MON2: variants seen among roughly 807,000 people sequenced by gnomAD.
MON2 encodes protein MON2 homolog.
Under a neutral mutation model 208.6 loss-of-function variants are expected in MON2, and 84 were observed. The observed-to-expected ratio is 0.40, with a 90% CI of 0.34 to 0.48. MON2 has a LOEUF of 0.48. Ranked by LOEUF, MON2 falls within the 20% of genes least tolerant of loss-of-function variation. The pLI, the probability that MON2 is intolerant of heterozygous loss-of-function variation, is 0.59. For missense variants in MON2, 1,611 were observed against 2,015.4 expected (o/e 0.80, Z 3.84); for synonymous variants, 660 against 694.0 (o/e 0.95, Z 0.77).
chr12:62,582,237 T>C (rs1397594896), intron 32 of MON2, among the ~76,000 whole-genome samples: 1 of 152,256 alleles, frequency 6.6e-6, no homozygotes, highest in Non-Finnish European at 1.5e-5. Flanking sequence ...AAGTATACTT[T>C]TACTGGCAGT....
chr12:62,471,895 T>A (rs1382543814), intron 1 of MON2, among the ~76,000 whole-genome samples: 1 of 152,224 alleles, frequency 6.6e-6, no homozygotes, highest in African/African-American at 2.4e-5. Context: ...CGGGTTTGAA[T>A]GTGACAAATT....
intron 24 of MON2, among the ~76,000 whole-genome samples, chr12:62,554,623 T>C (rs1472579766): frequency 6.6e-6 from 1 of 152,096 alleles, no homozygotes; most frequent in East Asian, 1.9e-4. Context: ...GCCTCTTGAG[T>C]AGCTAGGACT....
chr12:62,574,949 C>T (rs1565702801), intron 30 of MON2, among the ~76,000 whole-genome samples: 1 of 142,658 alleles, frequency 7.0e-6, no homozygotes. Flanking sequence ...CATAGTGAGA[C>T]TCCGCCTCTA....
intron 32 of MON2, among the ~76,000 whole-genome samples, chr12:62,581,657 G>A (rs1310279925): frequency 1.3e-5 from 2 of 152,064 alleles, no homozygotes; most frequent in African/African-American, 2.4e-5. Flanking sequence ...CCAACACGGT[G>A]AAACCCTGTC....
intron 1 of MON2, among the ~76,000 whole-genome samples, chr12:62,475,682 C>G (rs1171872823): frequency 6.8e-6 from 1 of 147,960 alleles, no homozygotes. Flanking sequence ...GGATTACAAG[C>G]GTGAGCCACC....
chr12:62,537,669 T>C lies in MON2; in HGVS notation c.2081T>C (p.Leu694Pro). Residue 694 changes from leucine to proline, a missense_variant, in exon 16 of 35, where the codon CTT becomes CCT. Physicochemically the swap from Leu to Pro is moderately conservative, Grantham distance 98. Coordinates refer to ENST00000393630, the MANE Select transcript of MON2 (RefSeq NM_015026.3). ...LNLAHCHGAV[L>P]GTSWQLVLAT... ...TTGGCGCATTGCCATGGGGCTGTTCTTGGAACATCATGGCAACTTGTCTTG... is the reference window on the plus strand; with the variant it reads ...TTGGCGCATTGCCATGGGGCTGTTCCTGGAACATCATGGCAACTTGTCTTG... 3 of 1,613,380 alleles carry C rather than the reference T, an allele frequency of 1.9e-6. No homozygotes were observed. The highest frequency in any genetic ancestry group is 2.5e-6 in the Non-Finnish European group (3 of 1,179,722).
intron 22 of MON2, among the ~76,000 whole-genome samples, chr12:62,549,032 T>C (rs763948041): frequency 6.6e-6 from 1 of 152,156 alleles, no homozygotes; most frequent in Non-Finnish European, 1.5e-5. Context: ...AAAATAACTG[T>C]AGCAAACTTG....
At chr12:62,588,253 G>A (rs1327127073) in intron 34 of MON2, 97 bp downstream of exon 34, 4 of 789,128 alleles carry the variant, frequency 5.1e-6, no homozygotes, top group African/African-American at 1.8e-5. Flanking sequence ...TAGGAACATA[G>A]CAGTCATTAG....
rs889232033 is a variant in MON2, at chr12:62,549,204, T to G, written c.2754-464T>G. Among the ~76,000 whole-genome samples the G allele has an allele frequency of 4.6e-5, 7 of 152,308 alleles. No homozygotes were observed. The South Asian group carries it at 1.4e-3, about 32-fold the overall frequency. On this transcript the variant is annotated intron_variant, in intron 22 of 34. Transcript: ENST00000393630. ...AATTTGTTTAAGTAAGCATGTCTTT[T>G]TTACATTTATGTAAATGTTAAAATA...
chr12:62,550,655 G>T (rs992797504), intron 23 of MON2, among the ~76,000 whole-genome samples: 2 of 152,198 alleles, frequency 1.3e-5, no homozygotes, highest in African/African-American at 4.8e-5. Flanking sequence ...AGCACTTGCT[G>T]CTTCACCTTG....
intron 1 of MON2, among the ~76,000 whole-genome samples, chr12:62,474,231 GC>G (rs1319874397): frequency 2.7e-5 from 4 of 150,834 alleles, no homozygotes; most frequent in African/African-American, 9.8e-5. Flanking sequence ...CGATTCTCCT[GC>G]CTCAGCCTCC....
At chr12:62,577,958 T>G (rs1014204983) in intron 30 of MON2, among the ~76,000 whole-genome samples, 3 of 151,522 alleles carry the variant, frequency 2.0e-5, no homozygotes, top group African/African-American at 7.3e-5. Context: ...TGCATCAGTC[T>G]TCTTCTTTAC....
chr12:62,522,341 A>G (rs910869111), intron 8 of MON2, among the ~76,000 whole-genome samples: 1 of 152,228 alleles, frequency 6.6e-6, no homozygotes, highest in African/African-American at 2.4e-5. Flanking sequence ...TACCAAATCT[A>G]TTAGCTCCAA....
chr12:62,473,630 G>A (rs1233208085), intron 1 of MON2, among the ~76,000 whole-genome samples: 1 of 151,980 alleles, frequency 6.6e-6, no homozygotes, highest in Non-Finnish European at 1.5e-5. Context: ...GAGTGCAGTG[G>A]GCTATCTTGG....
At position 62,534,518 on chromosome 12, in the gene MON2, CAAAAAAA is replaced by C. The variant is rs869145698; in HGVS notation, c.1634-308_1634-302del. On this transcript the variant is annotated intron_variant, in intron 12 of 34. Transcript: ENST00000393630. ...TGGGCAACAGAGCAAGACTCCATCGCAAAAAAAAAAAAAAAAAAAAAAAAATATATAT... is the reference window on the plus strand; with the variant it reads ...TGGGCAACAGAGCAAGACTCCATCGCAAAAAAAAAAAAAAAAAATATATAT... Among the ~76,000 whole-genome samples, 75 of 67,412 alleles carry C rather than the reference CAAAAAAA, an allele frequency of 1.1e-3. 3 individuals are homozygous for C. The highest frequency in any genetic ancestry group is 2.8e-3 in the East Asian group (5 of 1,792). 44.2% of individuals were successfully genotyped at this position (67,412 alleles called of 152,430 possible).
chr12:62,506,744 A>G (rs1382331837), intron 7 of MON2, among the ~76,000 whole-genome samples: 2 of 151,590 alleles, frequency 1.3e-5, no homozygotes, highest in African/African-American at 4.9e-5. Flanking sequence ...AAAAAGATAC[A>G]TTTAAAAAAT....
chr12:62,508,225 T>G (rs1305101318), intron 7 of MON2, 61 bp from the exon 8 acceptor site: 1 of 1,319,626 alleles, frequency 7.6e-7, no homozygotes, highest in Non-Finnish European at 1.1e-6. Flanking sequence ...ACTGTGTTTT[T>G]GGAAGTATTA....
chr12:62,532,296 T>C (rs1174972435), intron 11 of MON2, 142 bp from the exon 12 acceptor site: 20 of 657,006 alleles, frequency 3.0e-5, no homozygotes, highest in Non-Finnish European at 4.7e-5. Flanking sequence ...CTTCCCTAAA[T>C]GAAAGAAATT....
chr12:62,512,171 AGTCTC>A (rs2071441997), intron 8 of MON2, among the ~76,000 whole-genome samples: 2 of 152,080 alleles, frequency 1.3e-5, no homozygotes, highest in East Asian at 3.9e-4. Flanking sequence ...TGGCCTCCCA[AGTCTC>A]ATAGGTCCTC....
Sources: allele counts gnomAD v4.1 joint callset (sites outside exome capture counted in the v4.1 genomes callset), GRCh38; gene constraint gnomAD v4.1.1; transcripts MANE v1.5; gene names NCBI Gene and HGNC (gene_info 2026-07-23, HGNC 2026-07-21).